The following AFF2 variants were observed in gnomAD, a reference collection of about 807,000 sequenced individuals.
The protein encoded by AFF2 is AF4/FMR2 family member 2.
A neutral mutation model predicts 76.9 loss-of-function variants in AFF2; 14 were observed. The ratio of observed to expected loss-of-function variants is 0.18; its 90% CI spans 0.12 to 0.28. AFF2 has a LOEUF of 0.28. AFF2 is among the 10% of genes least tolerant of loss of function. AFF2 has a pLI of 1.00. For missense variants in AFF2, 868 were observed against 1,001.1 expected, an observed-to-expected ratio of 0.87 and a Z score of 1.79; for synonymous variants, 398 against 366.7, an observed-to-expected ratio of 1.09 and a Z score of -0.98.
intron 3 of AFF2, among the ~76,000 whole-genome samples, chrX:148,672,513 G>A (rs367591600): frequency 8.9e-6 from 1 of 111,811 alleles, no homozygotes; most frequent in Non-Finnish European, 1.9e-5. Flanking sequence ...GTGTGCTACT[G>A]TATATGTATG....
chrX:148,501,350 C>T (rs1557231818), intron 1 of AFF2, among the ~76,000 whole-genome samples: 1 of 112,417 alleles, frequency 8.9e-6, no homozygotes, highest in Non-Finnish European at 1.9e-5. Context: ...GGGAGGGATG[C>T]GGACCCGAAA....
At chrX:148,934,490 C>T (rs1557284774) in intron 9 of AFF2, among the ~76,000 whole-genome samples, 1 of 112,270 alleles carries the variant, frequency 8.9e-6, no homozygotes, top group Admixed American at 9.4e-5. Context: ...ACCCCTTAAA[C>T]CTGGGTATTC....
At chrX:148,657,602 G>A (rs1472004165) in intron 2 of AFF2, among the ~76,000 whole-genome samples, 2 of 111,892 alleles carry the variant, frequency 1.8e-5, no homozygotes, top group Non-Finnish European at 3.8e-5. Context: ...ATGAGGGAAT[G>A]CTGTTAGTCA....
intron 1 of AFF2, among the ~76,000 whole-genome samples, chrX:148,591,638 A>G (rs967469773): frequency 1.8e-5 from 2 of 112,164 alleles, no homozygotes; most frequent in East Asian, 5.6e-4. Flanking sequence ...CAAGGCATGG[A>G]CTGGATTTAT....
At chrX:148,587,721 ACC>A (rs2053482456) in intron 1 of AFF2, among the ~76,000 whole-genome samples, 1 of 112,209 alleles carries the variant, frequency 8.9e-6, no homozygotes, top group Non-Finnish European at 1.9e-5. Context: ...GCCCTAAAGT[ACC>A]CTTACAAATG....
At chrX:148,936,236 A>G (rs1462941978) in intron 9 of AFF2, among the ~76,000 whole-genome samples, 2 of 111,816 alleles carry the variant, frequency 1.8e-5, no homozygotes. Context: ...GTAAGATTCC[A>G]ATATGCCTTC....
chrX:148,501,235 C>T, intron 1 of AFF2, 91 bp downstream of exon 1: 3 of 1,093,152 alleles, frequency 2.7e-6, no homozygotes, highest in Non-Finnish European at 3.7e-6. Flanking sequence ...CTGAAGCTGT[C>T]GTGGGGGGCG....
intron 1 of AFF2, among the ~76,000 whole-genome samples, chrX:148,598,065 G>T (rs1051828131): frequency 1.8e-5 from 2 of 111,908 alleles, no homozygotes; most frequent in Non-Finnish European, 3.8e-5. Flanking sequence ...TAGTTTGGGT[G>T]TATGAAATTA....
Position 148,799,994 on chromosome X carries a change from G to A in AFF2, c.1042-9882G>A, listed in dbSNP as rs782090921. 8.9e-5 allele frequency among the ~76,000 whole-genome samples: 10 copies of A among 111,925 alleles called. No individual in the cohort carries two copies. In the South Asian group the frequency reaches 3.7e-3, roughly 42 times the overall value. On this transcript the variant is annotated intron_variant, in intron 3 of 20. Coordinates refer to ENST00000370460, the MANE Select transcript of AFF2 (RefSeq NM_002025.4). Reference sequence around the variant, plus strand: ...TATTCTTAGCTATCGTTTCATTTTAGTGAGCAGTTAAACCACATGTAAGTG... The same window carrying A: ...TATTCTTAGCTATCGTTTCATTTTAATGAGCAGTTAAACCACATGTAAGTG...
chrX:148,711,706 T>A (rs1557262928), intron 3 of AFF2, among the ~76,000 whole-genome samples: 1 of 112,184 alleles, frequency 8.9e-6, no homozygotes. Context: ...TTTCTTTTTA[T>A]CCAATATATT....
At chrX:148,867,990 C>G (rs898324116) in intron 7 of AFF2, among the ~76,000 whole-genome samples, 3 of 111,807 alleles carry the variant, frequency 2.7e-5, no homozygotes, top group East Asian at 2.8e-4. Flanking sequence ...ACCCTGGAAC[C>G]TAAAGCCTAG....
chrX:148,508,341 G>A (rs1171056178), intron 1 of AFF2, among the ~76,000 whole-genome samples: 1 of 111,889 alleles, frequency 8.9e-6, no homozygotes, highest in Non-Finnish European at 1.9e-5. Flanking sequence ...CGTATCTCCT[G>A]GAAATAAATA....
chrX:148,505,732 C>T (rs782218682), intron 1 of AFF2, among the ~76,000 whole-genome samples: 6 of 111,985 alleles, frequency 5.4e-5, no homozygotes, highest in African/African-American at 1.9e-4. Context: ...GTAGGTCATA[C>T]CTCAAAGCGG....
At chrX:148,571,518 T>C (rs1407330023) in intron 1 of AFF2, among the ~76,000 whole-genome samples, 1 of 111,211 alleles carries the variant, frequency 9.0e-6, no homozygotes, top group Admixed American at 9.6e-5. Flanking sequence ...ATGGAAAAGC[T>C]GTATGGGAGT....
At chrX:148,779,173 T>C (rs1056946995) in intron 3 of AFF2, among the ~76,000 whole-genome samples, 3 of 112,311 alleles carry the variant, frequency 2.7e-5, no homozygotes, top group Non-Finnish European at 5.6e-5. Flanking sequence ...TTCTTAATCC[T>C]GAGTTCTAAT....
In AFF2 at chrX:148,722,334, G is replaced by A. The variant is rs781909409; in HGVS notation, c.1041+59566G>A. Among the ~76,000 whole-genome samples the A allele has an allele frequency of 6.3e-5, 7 of 111,395 alleles. No homozygotes were observed. In the South Asian group the frequency reaches 2.7e-3, roughly 43 times the overall value. On this transcript the variant is annotated intron_variant, in intron 3 of 20. Coordinates refer to ENST00000370460, the MANE Select transcript of AFF2 (RefSeq NM_002025.4). Reference sequence around the variant, plus strand: ...GTGGGTAGAGTTGCTGAGAAGACAGGCTAAGTGACACGTATCCACGCCTTC... The same window carrying A: ...GTGGGTAGAGTTGCTGAGAAGACAGACTAAGTGACACGTATCCACGCCTTC...
chrX:148,885,516 T>C (rs183000788), intron 7 of AFF2, among the ~76,000 whole-genome samples: 44 of 110,992 alleles, frequency 4.0e-4, no homozygotes, highest in African/African-American at 1.4e-3. Context: ...CCCTCTTCTT[T>C]CATGGGAAAC....
chrX:148,784,667 C>G (rs782690373), intron 3 of AFF2, among the ~76,000 whole-genome samples: 1 of 111,880 alleles, frequency 8.9e-6, no homozygotes, highest in East Asian at 2.8e-4. Context: ...TGGGCCTCAT[C>G]CAAGCCTCTA....
At chrX:148,594,799 T>C (rs1238787195) in intron 1 of AFF2, among the ~76,000 whole-genome samples, 2 of 112,100 alleles carry the variant, frequency 1.8e-5, no homozygotes, top group African/African-American at 6.5e-5. Context: ...CCAATTCCTC[T>C]CCCTCACTCT....
Sources: gnomAD v4.1 joint callset for allele counts (sites outside exome capture counted in the v4.1 genomes callset) on GRCh38, gnomAD v4.1.1 for gene constraint, MANE v1.5 for transcripts, NCBI Gene and HGNC (gene_info 2026-07-23, HGNC 2026-07-21) for gene names.